SPAG16: variants seen among roughly 807,000 people sequenced by gnomAD.
SPAG16 encodes sperm associated antigen 16.
Under a neutral mutation model 80.4 loss-of-function variants are expected in SPAG16, and 86 were observed. The observed-to-expected ratio is 1.07, with a 90% confidence interval of 0.90 to 1.28. SPAG16 has a LOEUF of 1.28. Ranked by LOEUF, SPAG16 falls within the 50% of genes most tolerant of loss-of-function variation. The pLI, the probability that SPAG16 is intolerant of heterozygous loss-of-function variation, is 0.00. For synonymous variants in SPAG16, 294 were observed against 265.9 expected (o/e 1.11, Z -1.03); for missense variants, 870 against 765.3 (o/e 1.14, Z -1.61).
At chr2:213,621,904 G>C (rs954964475) in intron 10 of SPAG16, among the ~76,000 whole-genome samples, 6 of 152,274 alleles carry the variant, frequency 3.9e-5, no homozygotes, top group African/African-American at 1.4e-4. Flanking sequence ...GTGGGAACCA[G>C]GACTACATTT....
chr2:214,244,560 C>A (rs1451512293), intron 15 of SPAG16, among the ~76,000 whole-genome samples: 1 of 151,896 alleles, frequency 6.6e-6, no homozygotes, highest in Non-Finnish European at 1.5e-5. Context: ...AAAAATCATA[C>A]ATTAAAATAC....
At chr2:213,611,034 C>T (rs1374016922) in intron 10 of SPAG16, among the ~76,000 whole-genome samples, 2 of 152,144 alleles carry the variant, frequency 1.3e-5, no homozygotes, top group Non-Finnish European at 2.9e-5. Context: ...CAGCAAGTCC[C>T]AGCCTCATTG....
chr2:213,296,993 G>C lies in SPAG16; in HGVS notation c.184-269G>C, dbSNP rs1382454261. ...AGATAGCCTTATTATTTTTTCAGCA[G>C]AATTGTTAGATTACATTTTCTATTA... is the stretch of plus-strand genomic sequence containing the variant. On this transcript the variant is annotated intron_variant, in intron 2 of 15. Coordinates refer to ENST00000331683, the MANE Select transcript of SPAG16 (RefSeq NM_024532.5). 10 of 1,142,976 alleles carry C rather than the reference G, an allele frequency of 8.7e-6. No homozygotes were observed. In the East Asian group the frequency reaches 5.0e-4, roughly 57 times the overall value. The allele number at this position is 1,142,976 out of a possible 1,614,324, so 70.8% of individuals were successfully genotyped here. A position where few individuals can be genotyped will look rare whatever the true frequency, so the allele number is the denominator to read the frequency against.
At chr2:214,099,996 A>G (rs1232141574) in intron 13 of SPAG16, among the ~76,000 whole-genome samples, 1 of 152,046 alleles carries the variant, frequency 6.6e-6, no homozygotes, top group African/African-American at 2.4e-5. Flanking sequence ...TCTCATCTCA[A>G]ATTACAATCC....
rs1553686631 is a variant in SPAG16 at position 213,980,725 on chromosome 2, T to TAGAGAG, written c.1401-33197_1401-33192dup. 5.4e-3 allele frequency among the ~76,000 whole-genome samples: 563 copies of TAGAGAG among 103,968 alleles called. 6 individuals carry two copies. Among genetic ancestry groups the TAGAGAG allele is most frequent in the South Asian group, 0.012 (32 of 2,688 alleles). The allele number at this position is 103,968 out of a possible 152,430, so 68.2% of individuals were successfully genotyped here. On this transcript the variant is annotated intron_variant, in intron 12 of 15. Coordinates refer to ENST00000331683, the MANE Select transcript of SPAG16 (RefSeq NM_024532.5). ...GTGTGTGTGTGTGTATATATATATA[T>TAGAGAG]AGAGAGAGAGAGAGAGAGAGAGAGA...
chr2:213,830,401 C>T (rs1483229156), intron 10 of SPAG16, among the ~76,000 whole-genome samples: 7 of 152,152 alleles, frequency 4.6e-5, no homozygotes, highest in Non-Finnish European at 4.4e-5. Context: ...ACTGTCTACC[C>T]TCTTCAATGG....
chr2:213,363,225 C>T (rs527907545), intron 7 of SPAG16, among the ~76,000 whole-genome samples: 1 of 152,172 alleles, frequency 6.6e-6, no homozygotes, highest in South Asian at 2.1e-4. Flanking sequence ...CTCAGTACTA[C>T]ATTAGCAACT....
intron 10 of SPAG16, among the ~76,000 whole-genome samples, chr2:213,792,948 A>G (rs1277125679): frequency 6.7e-6 from 1 of 150,070 alleles, no homozygotes; most frequent in African/African-American, 2.4e-5. Flanking sequence ...TTTTTTTGAG[A>G]TGAAGTCTCA....
chr2:213,639,239 CAA>C (rs2062493484), intron 10 of SPAG16, among the ~76,000 whole-genome samples: 1 of 152,158 alleles, frequency 6.6e-6, no homozygotes, highest in African/African-American at 2.4e-5. Flanking sequence ...CATTTACATT[CAA>C]AGTTAGTATT....
At chr2:213,891,428 A>T (rs1465651725) in intron 11 of SPAG16, among the ~76,000 whole-genome samples, 2 of 152,158 alleles carry the variant, frequency 1.3e-5, no homozygotes. Flanking sequence ...AGAGCTGTAG[A>T]TACAATCATT....
At chr2:213,457,538 T>C (rs1037292158) in intron 9 of SPAG16, among the ~76,000 whole-genome samples, 2 of 152,232 alleles carry the variant, frequency 1.3e-5, no homozygotes, top group African/African-American at 4.8e-5. Flanking sequence ...AACTTTTGAA[T>C]TGTTATATCT....
chr2:214,253,162 CT>C (rs1690426414), intron 15 of SPAG16, among the ~76,000 whole-genome samples: 1 of 119,022 alleles, frequency 8.4e-6, no homozygotes, highest in East Asian at 2.7e-4. Context: ...TATTTTTTTT[CT>C]TGTAAATCTG....
intron 11 of SPAG16, among the ~76,000 whole-genome samples, chr2:213,900,443 T>C (rs1317809981): frequency 6.6e-6 from 1 of 152,128 alleles, no homozygotes; most frequent in Non-Finnish European, 1.5e-5. Context: ...TAAGATAAAT[T>C]GTTAGCAATT....
Position 213,350,651 on chromosome 2 carries a change from G to GATAT in SPAG16, c.762+8_762+11dup, listed in dbSNP as rs1354149638. On this transcript the variant is annotated splice_region_variant and intron_variant, in intron 7 of 15. Coordinates refer to ENST00000331683, the MANE Select transcript of SPAG16 (RefSeq NM_024532.5). The stretch of plus-strand genomic sequence containing the variant: ...GAGACAAAGTAGTTGGGCAGGTAAA[G>GATAT]ATATAGTCAAAGCTAACTTAAAATG... The GATAT allele has an allele frequency of 6.7e-7, 1 of 1,485,298 alleles. No homozygotes were observed. Among genetic ancestry groups the GATAT allele is most frequent in the Admixed American group, 2.2e-5 (1 of 46,446 alleles). 92.0% of individuals were successfully genotyped at this position (1,485,298 alleles called of 1,614,324 possible).
intron 15 of SPAG16, among the ~76,000 whole-genome samples, chr2:214,254,978 A>G (rs1365242597): frequency 1.3e-5 from 2 of 152,054 alleles, no homozygotes; most frequent in Non-Finnish European, 2.9e-5. Flanking sequence ...TGGTTTTGAC[A>G]CTTGATAGCC....
intron 9 of SPAG16, among the ~76,000 whole-genome samples, chr2:213,385,616 G>A (rs1026098802): frequency 2.6e-5 from 4 of 152,152 alleles, no homozygotes; most frequent in Non-Finnish European, 2.9e-5. Flanking sequence ...GGAATATATT[G>A]TAAGAATGGC....
rs758911296 is a variant in SPAG16 at position 213,605,008 on chromosome 2, G to A, written c.1070+114918G>A. Among the ~76,000 whole-genome samples the A allele has an allele frequency of 6.8e-4, 102 of 149,132 alleles. 1 individual carries two copies. Among genetic ancestry groups the A allele is most frequent in the Non-Finnish European group, 1.2e-3 (78 of 67,382 alleles). On this transcript the variant is annotated intron_variant, in intron 10 of 15. Transcript: ENST00000331683. ...AACATTGAGTTCTATTATCTTTTTC[G>A]CATCACCAAATCTCTTTTCCTTTCT... is the stretch of plus-strand genomic sequence containing the variant.
chr2:213,355,403 A>C (rs566793319), intron 7 of SPAG16, among the ~76,000 whole-genome samples: 28 of 152,110 alleles, frequency 1.8e-4, no homozygotes, highest in Non-Finnish European at 1.9e-4. Flanking sequence ...CTGTGAAGAA[A>C]GTCATTGGTA....
At chr2:213,354,572 C>A (rs544620920) in intron 7 of SPAG16, among the ~76,000 whole-genome samples, 6 of 152,136 alleles carry the variant, frequency 3.9e-5, no homozygotes, top group African/African-American at 1.4e-4. Flanking sequence ...TTTTAATGAT[C>A]GCCATTGCAA....
Sources: gnomAD v4.1 joint callset for allele counts (sites outside exome capture counted in the v4.1 genomes callset) on GRCh38, gnomAD v4.1.1 for gene constraint, MANE v1.5 for transcripts, NCBI Gene and HGNC (gene_info 2026-07-23, HGNC 2026-07-21) for gene names.